Variants in UNC13C observed in about 807,000 individuals in gnomAD.
UNC13C encodes the protein unc-13 homolog C.
Under a neutral mutation model 245.4 loss-of-function variants are expected in UNC13C, and 174 were observed. That is an observed-to-expected ratio of 0.71 (90% CI 0.63 to 0.80). The LOEUF (loss-of-function observed/expected upper bound fraction) is 0.80. UNC13C is among the 30% of genes least tolerant of loss of function. The pLI is 0.00. For missense variants in UNC13C, 2,829 were observed against 2,602.9 expected (o/e 1.09, Z -1.89); for synonymous variants, 992 against 895.1 (o/e 1.11, Z -1.93).
chr15:54,176,675 A>T (rs1475245221), intron 4 of UNC13C, among the ~76,000 whole-genome samples: 1 of 152,166 alleles, frequency 6.6e-6, no homozygotes, highest in Admixed American at 6.6e-5. Flanking sequence ...ACTTTTTATG[A>T]AAGTCTGACA....
intron 1 of UNC13C, among the ~76,000 whole-genome samples, chr15:53,989,538 G>A (rs1220905831): frequency 6.6e-6 from 1 of 151,966 alleles, no homozygotes; most frequent in Non-Finnish European, 1.5e-5. Context: ...TTTGGCAAAT[G>A]TAGGATATTT....
At chr15:53,879,953 T>TTGTGTG in the UNC13C span, among the ~76,000 whole-genome samples, 20,141 of 147,600 alleles carry the variant, frequency 0.14, 1,591 homozygotes, top group South Asian at 0.19. Flanking sequence ...GTGTGTGTGT[T>TTGTGTG]TGTGTGTGTG....
chr15:54,240,223 G>T (rs760008571), intron 7 of UNC13C, among the ~76,000 whole-genome samples: 19 of 152,196 alleles, frequency 1.2e-4, no homozygotes, highest in Middle Eastern at 3.4e-3. Context: ...TCTCAGATTC[G>T]TAAAGCCCAT....
At chr15:54,517,143 G>A (rs1895016059) in intron 24 of UNC13C, among the ~76,000 whole-genome samples, 1 of 151,986 alleles carries the variant, frequency 6.6e-6, no homozygotes, top group Non-Finnish European at 1.5e-5. Flanking sequence ...TTTCTAATCT[G>A]TCTCACCTTT....
At chr15:54,364,298 C>A (rs1203220711) in intron 17 of UNC13C, among the ~76,000 whole-genome samples, 1 of 366 alleles carries the variant, frequency 2.7e-3, no homozygotes, top group Non-Finnish European at 0.015. Flanking sequence ...AAAAAATGAC[C>A]CCCCCCCAAG....
chr15:54,039,896 C>A (rs1159357583), intron 2 of UNC13C, among the ~76,000 whole-genome samples: 1 of 151,778 alleles, frequency 6.6e-6, no homozygotes, highest in Non-Finnish European at 1.5e-5. Context: ...GGCCTCCCTG[C>A]TTCTTCCCTT....
At chr15:54,487,463 A>G (rs1034308511) in intron 19 of UNC13C, among the ~76,000 whole-genome samples, 3 of 152,118 alleles carry the variant, frequency 2.0e-5, no homozygotes, top group African/African-American at 7.2e-5. Flanking sequence ...CATTGATTCT[A>G]AAGAAAGTTT....
intron 30 of UNC13C, among the ~76,000 whole-genome samples, chr15:54,594,717 C>A (rs959285182): frequency 6.6e-6 from 1 of 152,150 alleles, no homozygotes; most frequent in African/African-American, 2.4e-5. Flanking sequence ...AGGCAGAGGG[C>A]AAGTTGGGCT....
At chr15:53,848,504 C>T in the UNC13C span, among the ~76,000 whole-genome samples, 1 of 152,016 alleles carries the variant, frequency 6.6e-6, no homozygotes, top group South Asian at 2.1e-4. Flanking sequence ...TTATTTTGTT[C>T]CTTTTAAATA....
the UNC13C span, among the ~76,000 whole-genome samples, chr15:53,896,404 A>G: frequency 6.6e-6 from 1 of 151,692 alleles, no homozygotes; most frequent in East Asian, 1.9e-4. Flanking sequence ...AATTTAGTCA[A>G]TTTTTCTGAG....
chr15:54,013,740 C>T lies in UNC13C; in HGVS notation c.837C>T (p.Ser279=), dbSNP rs2140991796. The change falls in exon 2 of 33, where the codon AGC becomes AGT. Residue 279 remains serine (S), a synonymous_variant. Coordinates refer to ENST00000260323, the MANE Select transcript of UNC13C (RefSeq NM_001080534.3). Reference sequence around the variant, plus strand: ...AGCACTCCATCGATGAGATCTCCAGCAGTGTGGAGGTTGTACAAAGTGAAA... The same window carrying T: ...AGCACTCCATCGATGAGATCTCCAGTAGTGTGGAGGTTGTACAAAGTGAAA... ...ALKHSIDEIS[S]SVEVVQSEIE... is the part of the protein sequence containing the mutation. The T allele has an allele frequency of 6.2e-7, 1 of 1,612,048 alleles. No individual in the cohort carries two copies. The highest frequency in any genetic ancestry group is 8.5e-7 in the Non-Finnish European group (1 of 1,179,080).
At chr15:54,088,956 G>A (rs11071034) in intron 2 of UNC13C, among the ~76,000 whole-genome samples, 27 of 152,004 alleles carry the variant, frequency 1.8e-4, no homozygotes, top group Admixed American at 8.5e-4. Flanking sequence ...ATAACTTGGC[G>A]GGGGGGAACA....
intron 17 of UNC13C, among the ~76,000 whole-genome samples, chr15:54,369,290 A>C (rs1421480280): frequency 6.6e-6 from 1 of 151,824 alleles, no homozygotes; most frequent in African/African-American, 2.4e-5. Context: ...GTTATTTGGG[A>C]TAAGGTTAAT....
chr15:53,966,790 C>T, the UNC13C span, among the ~76,000 whole-genome samples: 2 of 151,924 alleles, frequency 1.3e-5, no homozygotes, highest in African/African-American at 4.8e-5. Flanking sequence ...TTTTAGTAAG[C>T]TTCCTTTGAA....
downstream of UNC13C, chr15:54,629,240 A>G (rs1402077685): frequency 6.6e-6 from 1 of 152,160 alleles, no homozygotes; most frequent in Non-Finnish European, 1.5e-5. Flanking sequence ...AACGATGAGG[A>G]CACATGGACA....
intron 2 of UNC13C, among the ~76,000 whole-genome samples, chr15:54,088,897 T>C (rs1899402834): frequency 6.6e-6 from 1 of 152,216 alleles, no homozygotes. Flanking sequence ...TTTTACACTA[T>C]TGAAACAGAA....
the UNC13C span, among the ~76,000 whole-genome samples, chr15:53,940,745 G>C: frequency 6.6e-6 from 1 of 152,046 alleles, no homozygotes; most frequent in Non-Finnish European, 1.5e-5. Context: ...AAATGCCTTG[G>C]AATACAGTTA....
Position 54,567,884 on chromosome 15 carries a change from A to T in UNC13C, c.6043A>T (p.Ser2015Cys). The change falls in exon 30 of 33, where the codon AGT becomes TGT. Residue 2015 changes from serine to cysteine, a missense_variant. Transcript: ENST00000260323. ...PDLQSLRYALSLYTQTTDALI... is the reference protein window; with the variant it reads ...PDLQSLRYALCLYTQTTDALI... ...TCTTCAGTCTCTGAGATATGCTCTC[A>T]GTCTTTATACCCAAACTACTGATGC... 6.3e-7 allele frequency: 1 copy of T among 1,597,962 alleles called. No homozygotes were observed. Among genetic ancestry groups the T allele is most frequent in the Non-Finnish European group, 8.5e-7 (1 of 1,171,132 alleles).
chr15:54,279,951 C>T (rs2036931681), intron 10 of UNC13C, among the ~76,000 whole-genome samples: 1 of 152,020 alleles, frequency 6.6e-6, no homozygotes, highest in Non-Finnish European at 1.5e-5. Flanking sequence ...AAATATTAAA[C>T]AGTAAAAATT....
Sources: allele counts gnomAD v4.1 joint callset (sites outside exome capture counted in the v4.1 genomes callset), GRCh38; gene constraint gnomAD v4.1.1; transcripts MANE v1.5; gene names NCBI Gene and HGNC (gene_info 2026-07-23, HGNC 2026-07-21).